Variants in RACGAP1 observed in about 807,000 individuals in gnomAD.
RACGAP1 encodes Rac GTPase activating protein 1, also known as rac GTPase-activating protein 1.
RACGAP1 carries 30 observed loss-of-function variants against 78.1 expected under a neutral mutation model. The observed-to-expected ratio is 0.38, with a 90% confidence interval of 0.29 to 0.52. RACGAP1 has a LOEUF of 0.52. Ranked by LOEUF, RACGAP1 falls within the 20% of genes least tolerant of loss-of-function variation. The pLI is 0.82. For synonymous variants in RACGAP1, 231 were observed against 264.8 expected, an observed-to-expected ratio of 0.87 and a Z score of 1.24; for missense variants, 587 against 777.1, an observed-to-expected ratio of 0.76 and a Z score of 2.91.
chr12:50,029,947 T>TATGGG (rs1022390836), upstream of RACGAP1, among the ~76,000 whole-genome samples: 1 of 152,080 alleles, frequency 6.6e-6, no homozygotes, highest in African/African-American at 2.4e-5. Context: ...AAATGATGAC[T>TATGGG]ATGTGAAGTG....
intron 1 of RACGAP1, chr12:50,021,172 G>A: frequency 1.0e-6 from 1 of 957,204 alleles, no homozygotes; most frequent in Non-Finnish European, 1.2e-6. Flanking sequence ...ATAGCTAGGA[G>A]ATACACTAAT....
intron 1 of RACGAP1, 28 bp from the exon 2 acceptor site, chr12:50,016,747 G>T: frequency 6.2e-7 from 1 of 1,605,190 alleles, no homozygotes. Context: ...ATACATTAGG[G>T]GTCCTGCCTT....
upstream of RACGAP1, among the ~76,000 whole-genome samples, chr12:50,029,076 C>T (rs1042929884): frequency 2.8e-4 from 42 of 151,808 alleles, no homozygotes; most frequent in Middle Eastern, 3.4e-3. Context: ...ATTAGCCAGG[C>T]GTGGCGGCGT....
rs371723368 is a variant in RACGAP1, at chr12:49,999,189, C to T, written c.831G>A (p.Thr277=). 1.7e-5 allele frequency: 27 copies of T among 1,613,818 alleles called. No individual in the cohort carries two copies. The African/African-American group carries it at 2.5e-4, about 15-fold the overall frequency. ...GGCGCATCCCTCCATTACTCTGTGG[C>T]GTGCCCACACTGTCTGTCTCAGTTC... The part of the protein sequence containing the change: ...EPRTETDSVG[T]PQSNGGMRLH... Residue 277 remains threonine, a synonymous_variant, in exon 9 of 17, where the codon ACG becomes ACA. Transcript: ENST00000312377.
Position 49,994,149 on chromosome 12 carries a change from C to A in RACGAP1, c.1321G>T (p.Ala441Ser), listed in dbSNP as rs1033940646. Residue 441 changes from alanine (A) to serine (S), a missense_variant, in exon 12 of 17, where the codon GCC becomes TCC. Physicochemically the swap from Ala to Ser is moderately conservative, Grantham distance 99. Coordinates refer to ENST00000312377, the MANE Select transcript of RACGAP1 (RefSeq NM_001319999.2). Reference sequence around the variant, plus strand: ...CCCTTACCTGCTGCTTCCATAAAGGCTCTGTTAAGGCGAAAGGTCAGAAGA... The same window carrying A: ...CCCTTACCTGCTGCTTCCATAAAGGATCTGTTAAGGCGAAAGGTCAGAAGA... Reference protein sequence around the residue: ...EPLLTFRLNRAFMEAAEITDE... With the variant: ...EPLLTFRLNRSFMEAAEITDE... The A allele has an allele frequency of 1.9e-6, 3 of 1,612,666 alleles. No individual in the cohort carries two copies. In the African/African-American group the frequency reaches 4.0e-5, roughly 22 times the overall value.
At chr12:50,009,550 G>A (rs543382608) in intron 2 of RACGAP1, among the ~76,000 whole-genome samples, 1 of 151,768 alleles carries the variant, frequency 6.6e-6, no homozygotes, top group African/African-American at 2.4e-5. Context: ...GCTTCTTAAA[G>A]ACAAAGACCC....
chr12:49,990,881 G>A, intron 15 of RACGAP1, 89 bp from the exon 16 acceptor site: 2 of 915,004 alleles, frequency 2.2e-6, no homozygotes, highest in Admixed American at 2.2e-5. Context: ...ACCCTCTGAA[G>A]CACTTAAGAG....
chr12:50,000,018 A>ATGTTTTTTTTTTTTTTTTTTTTT (rs1555172403), intron 7 of RACGAP1, among the ~76,000 whole-genome samples: 1 of 99,642 alleles, frequency 1.0e-5, no homozygotes, highest in Non-Finnish European at 1.9e-5. Context: ...CACCTGACTG[A>ATGTTTTTTTTTTTTTTTTTTTTT]TTTTTTTTTT....
Position 49,994,471 on chromosome 12 carries a change from C to A in RACGAP1, c.1083G>T (p.Met361Ile). The change falls in exon 11 of 17, where the codon ATG (methionine) becomes ATT (isoleucine). Residue 361 changes from methionine (M) to isoleucine (I), a missense_variant. By Grantham distance (10) the Met-to-Ile change is conservative. Transcript: ENST00000312377. ...LADFVSQTSP[M>I]IPSIVVHCVN... ...CACAATGCACAACAATGGAGGGGAT[C>A]ATTGGAGAAGTCTGGGACACAAAGT... 1 of 1,613,924 alleles carries A rather than the reference C, an allele frequency of 6.2e-7. No homozygotes were observed. The highest frequency in any genetic ancestry group is 8.5e-7 in the Non-Finnish European group (1 of 1,179,970).
intron 2 of RACGAP1, among the ~76,000 whole-genome samples, chr12:50,007,575 C>T (rs1949045360): frequency 6.6e-6 from 1 of 152,202 alleles, no homozygotes; most frequent in Non-Finnish European, 1.5e-5. Flanking sequence ...AGGCCAAATT[C>T]ACACACAGCT....
rs748212900 is a variant in RACGAP1, at chr12:49,994,114, A to G, written c.1339+17T>C. ...GCCGTGGAGGAATTCATATTCAAGT[A>G]TTACATCTGCCCTTACCTGCTGCTT... is the stretch of plus-strand genomic sequence containing the variant. On this transcript the variant is annotated intron_variant, in intron 12 of 16. Coordinates refer to ENST00000312377, the MANE Select transcript of RACGAP1 (RefSeq NM_001319999.2). The G allele has an allele frequency of 1.4e-5, 22 of 1,591,056 alleles. No individual in the cohort carries two copies. In the South Asian group the frequency reaches 1.9e-4, roughly 14 times the overall value.
intron 1 of RACGAP1, among the ~76,000 whole-genome samples, chr12:50,018,863 A>G (rs575147872): frequency 1.3e-5 from 2 of 150,242 alleles, no homozygotes; most frequent in Non-Finnish European, 3.0e-5. Flanking sequence ...ATTTTTTGAG[A>G]CAGAATCTTG....
Position 49,990,192 on chromosome 12 carries a change from G to A in RACGAP1, c.*76C>T, listed in dbSNP as rs1947736413. On this transcript the variant is annotated 3_prime_UTR_variant, in exon 17 of 17. Transcript: ENST00000312377. Reference sequence around the variant, plus strand: ...ATGCTAAAAGTAGTAATGAGTACAGGAGGCTGCAGAGCAGAGTACAGATGT... The same window carrying A: ...ATGCTAAAAGTAGTAATGAGTACAGAAGGCTGCAGAGCAGAGTACAGATGT... 3.2e-6 allele frequency: 4 copies of A among 1,254,428 alleles called. No homozygotes were observed. Among genetic ancestry groups the A allele is most frequent in the Non-Finnish European group, 4.7e-6 (4 of 858,072 alleles). 77.7% of individuals were successfully genotyped at this position (1,254,428 alleles called of 1,614,324 possible). A position where few individuals can be genotyped will look rare whatever the true frequency, so the allele number is the denominator to read the frequency against.
At chr12:50,011,194 C>T (rs1949301000) in intron 2 of RACGAP1, among the ~76,000 whole-genome samples, 1 of 151,768 alleles carries the variant, frequency 6.6e-6, no homozygotes, top group African/African-American at 2.4e-5. Flanking sequence ...ACTAGCCAGG[C>T]TTGGTGGCAT....
chr12:50,005,125 T>A, intron 4 of RACGAP1, 131 bp downstream of exon 4: 2 of 1,337,214 alleles, frequency 1.5e-6, no homozygotes, highest in Non-Finnish European at 2.1e-6. Flanking sequence ...CCACCTACTC[T>A]CCCCACAAAA....
Position 50,016,732 on chromosome 12 carries a change from C to T in RACGAP1, c.-4-13G>A. The T allele has an allele frequency of 1.2e-6, 2 of 1,612,370 alleles. No individual in the cohort carries two copies. The highest frequency in any genetic ancestry group is 1.1e-5 in the South Asian group (1 of 90,956). ...AGTATCCATCTTTCTGCCAAGAAAT[C>T]AAATATACATTAGGGGTCCTGCCTT... is the stretch of plus-strand genomic sequence containing the variant. On this transcript the variant is annotated splice_polypyrimidine_tract_variant and intron_variant, in intron 1 of 16. Transcript: ENST00000312377.
At chr12:50,009,706 A>AC (rs1213638837) in intron 2 of RACGAP1, among the ~76,000 whole-genome samples, 1 of 152,218 alleles carries the variant, frequency 6.6e-6, no homozygotes, top group Non-Finnish European at 1.5e-5. Flanking sequence ...TTACCAGTTT[A>AC]ATCAAACTTA....
At chr12:50,021,410 T>C (rs1426448132) in intron 1 of RACGAP1, among the ~76,000 whole-genome samples, 4 of 152,206 alleles carry the variant, frequency 2.6e-5, no homozygotes, top group Non-Finnish European at 4.4e-5. Context: ...ATGTTACAGA[T>C]TCCCAATCTG....
intron 6 of RACGAP1, among the ~76,000 whole-genome samples, chr12:50,001,986 A>G (rs1408938031): frequency 6.7e-6 from 1 of 149,632 alleles, no homozygotes; most frequent in African/African-American, 2.5e-5. Flanking sequence ...AATTGCTTGA[A>G]CCCGGGAGGC....
Sources: allele counts gnomAD v4.1 joint callset (sites outside exome capture counted in the v4.1 genomes callset), GRCh38; gene constraint gnomAD v4.1.1; transcripts MANE v1.5; gene names NCBI Gene and HGNC (gene_info 2026-07-23, HGNC 2026-07-21).